Variants in JAG1 observed in about 807,000 individuals in gnomAD.
JAG1 encodes the protein protein jagged-1.
In JAG1, 23 loss-of-function variants were observed where a neutral mutation model predicts 148.7. The observed-to-expected ratio is 0.15, with a 90% confidence interval of 0.11 to 0.22. The LOEUF (loss-of-function observed/expected upper bound fraction) is 0.22, where lower values mean the gene tolerates loss of function less well. Ranked by LOEUF, JAG1 falls within the 10% of genes least tolerant of loss-of-function variation. The pLI, the probability that JAG1 is intolerant of heterozygous loss-of-function variation, is 1.00. For synonymous variants in JAG1, 572 were observed against 598.3 expected, an observed-to-expected ratio of 0.96 and a Z score of 0.64; for missense variants, 1,054 against 1,611.2, an observed-to-expected ratio of 0.65 and a Z score of 5.92.
rs2067518233 is a variant in JAG1 at position 10,673,955 on chromosome 20, C to G, written c.-425G>C. The G allele has an allele frequency of 1.3e-5, 2 of 152,168 alleles. No individual in the cohort carries two copies. The highest frequency in any genetic ancestry group is 1.3e-4 in the Admixed American group (2 of 15,270). 9.4% of individuals were successfully genotyped at this position (152,168 alleles called of 1,614,324 possible). The stretch of plus-strand genomic sequence containing the variant: ...GGGCCGGCCGCAGGTAACACAATGA[C>G]GCGTGCCCGCCCGGCTCTCGGAGAA... On this transcript the variant is annotated 5_prime_UTR_variant, in exon 1 of 26. Transcript: ENST00000254958. This position sits in a 1 kb window ranked among gnomAD's most constrained non-coding sequence, Gnocchi z 4.7.
chr20:10,658,944 A>G (rs1203638571), intron 3 of JAG1, among the ~76,000 whole-genome samples: 1 of 152,214 alleles, frequency 6.6e-6, no homozygotes, highest in Non-Finnish European at 1.5e-5. Flanking sequence ...GGAAACACCA[A>G]TAAATAATTT....
rs1348220334 is a variant in JAG1 at position 10,641,011 on chromosome 20, T to C, written c.3049-78A>G. ...TTCTTCAAAATTACTCGACAATCTG[T>C]GTCTGCAAAGCTTTTTGTCAGTGAA... is the stretch of plus-strand genomic sequence containing the variant. On this transcript the variant is annotated intron_variant, in intron 24 of 25. Coordinates refer to ENST00000254958, the MANE Select transcript of JAG1 (RefSeq NM_000214.3). 17 of 1,610,760 alleles carry C rather than the reference T, an allele frequency of 1.1e-5. No individual in the cohort carries two copies. The East Asian group carries it at 3.8e-4, about 36-fold the overall frequency.
intron 3 of JAG1, among the ~76,000 whole-genome samples, chr20:10,659,792 AG>A (rs2067403904): frequency 6.6e-6 from 1 of 151,908 alleles, no homozygotes; most frequent in Admixed American, 6.6e-5. Flanking sequence ...ATGCTTACTG[AG>A]GATAATAAAC....
intron 5 of JAG1, among the ~76,000 whole-genome samples, chr20:10,654,076 C>T (rs980553603): frequency 3.3e-5 from 5 of 152,200 alleles, no homozygotes; most frequent in Non-Finnish European, 5.9e-5. Context: ...GCCATTCTGT[C>T]AAGGCTGATA....
intron 2 of JAG1, among the ~76,000 whole-genome samples, chr20:10,668,673 T>G (rs1249495035): frequency 2.0e-5 from 2 of 99,906 alleles, no homozygotes; most frequent in Admixed American, 1.0e-4. Context: ...TTGACACTGT[T>G]TTTTTTTTTT....
In JAG1 at chr20:10,650,332, A is replaced by G. The variant is rs1251942083; in HGVS notation, c.1149T>C (p.Cys383=). 1 of 1,613,092 alleles carries G rather than the reference A, an allele frequency of 6.2e-7. No individual in the cohort carries two copies. The highest frequency in any genetic ancestry group is 8.5e-7 in the Non-Finnish European group (1 of 1,179,094). The part of the protein sequence containing the change: ...TNIDDCSPNN[C]SHGGTCQDLV... ...GGTCCTGGCAGGTGCCCCCGTGGGA[A>G]CAGTTATTAGGAGAACAGTCATCAA... Residue 383 remains cysteine (C), a synonymous_variant, in exon 9 of 26, where the codon TGT becomes TGC. Coordinates refer to ENST00000254958, the MANE Select transcript of JAG1 (RefSeq NM_000214.3).
rs760789646 is a variant in JAG1, at chr20:10,645,102, G to A, written c.2227+41C>T. 3 of 1,544,496 alleles carry A rather than the reference G, an allele frequency of 1.9e-6. No homozygotes were observed. The South Asian group carries it at 3.3e-5, about 17-fold the overall frequency. On this transcript the variant is annotated intron_variant, in intron 17 of 25. Transcript: ENST00000254958. The surrounding 1 kb of genome is among the most constrained non-coding windows in gnomAD (Gnocchi z 6.1). The stretch of plus-strand genomic sequence containing the variant: ...GGCCAACCAGCAGACACGCCCAGGT[G>A]GCCATGCCCACTGCAGATCCCACGT...
At chr20:10,649,257 C>A (rs758183432) in intron 10 of JAG1, 150 bp from the exon 11 acceptor site, 5 of 676,794 alleles carry the variant, frequency 7.4e-6, no homozygotes, top group African/African-American at 3.6e-5. Context: ...TGGGTGGGGA[C>A]CCTCCCTAAT....
rs757758869 is a variant in JAG1 at position 10,646,979 on chromosome 20, A to G, written c.1845T>C (p.Cys615=). 6.8e-6 allele frequency: 11 copies of G among 1,614,080 alleles called. No individual in the cohort carries two copies. Among genetic ancestry groups the G allele is most frequent in the Non-Finnish European group, 8.5e-6 (10 of 1,180,034 alleles). ...TTCCCGTGAAGCCTTTGTTACAGTC[A>G]CAGGTGAATTTGCCTCCCGACTGAC... ...CKSQSGGKFT[C]DCNKGFTGTY... is the part of the protein sequence containing the mutation. The change falls in exon 14 of 26, where the codon TGT becomes TGC. Residue 615 remains cysteine (C), a synonymous_variant. Coordinates refer to ENST00000254958, the MANE Select transcript of JAG1 (RefSeq NM_000214.3).
intron 21 of JAG1, 151 bp downstream of exon 21, chr20:10,642,337 G>A: frequency 1.4e-6 from 1 of 692,426 alleles, no homozygotes; most frequent in Non-Finnish European, 2.6e-6. Flanking sequence ...TACCTGTTTT[G>A]GGGAAGACTC....
At chr20:10,663,889 C>A in intron 3 of JAG1, 74 bp downstream of exon 3, 1 of 1,151,536 alleles carries the variant, frequency 8.7e-7, no homozygotes, top group Non-Finnish European at 1.3e-6. Flanking sequence ...GGAGACAGAT[C>A]CAGCTCCAAC....
chr20:10,645,848 C>T lies in JAG1; in HGVS notation c.1999+123G>A. On this transcript the variant is annotated intron_variant, in intron 15 of 25. Coordinates refer to ENST00000254958, the MANE Select transcript of JAG1 (RefSeq NM_000214.3). This position sits in a 1 kb window ranked among gnomAD's most constrained non-coding sequence, Gnocchi z 6.1. The stretch of plus-strand genomic sequence containing the variant: ...AGACACAAGTGATACTGTCCCAGTG[C>T]AGAAATCACTGCGGTCTTGCTTCCA... The T allele has an allele frequency of 3.8e-6, 3 of 782,342 alleles. No individual in the cohort carries two copies. The highest frequency in any genetic ancestry group is 1.4e-5 in the South Asian group (1 of 72,904). 48.5% of individuals were successfully genotyped at this position (782,342 alleles called of 1,614,324 possible). A position where few individuals can be genotyped will look rare whatever the true frequency, so the allele number is the denominator to read the frequency against.
intron 2 of JAG1, 22 bp from the exon 3 acceptor site, chr20:10,664,036 T>G: frequency 6.2e-7 from 1 of 1,609,920 alleles, no homozygotes; most frequent in Non-Finnish European, 8.5e-7. Context: ...ACAAACAATT[T>G]AGCAATTCAG....
chr20:10,654,166 A>G (rs781360685), intron 5 of JAG1, among the ~76,000 whole-genome samples: 1 of 152,190 alleles, frequency 6.6e-6, no homozygotes, highest in Non-Finnish European at 1.5e-5. Context: ...TCTCTTCCAA[A>G]TTCAGGATCA....
intron 3 of JAG1, among the ~76,000 whole-genome samples, chr20:10,660,982 A>G (rs915681063): frequency 6.6e-6 from 1 of 152,222 alleles, no homozygotes; most frequent in Non-Finnish European, 1.5e-5. Context: ...AGGGGGCCTT[A>G]GCCGAGAAAG....
intron 3 of JAG1, among the ~76,000 whole-genome samples, chr20:10,661,581 G>C (rs572017887): frequency 6.6e-6 from 1 of 152,340 alleles, no homozygotes; most frequent in Admixed American, 6.5e-5. Context: ...CTGGCAGGGA[G>C]ACAAAGCTGG....
At chr20:10,672,011 T>C (rs1338415158) in intron 2 of JAG1, among the ~76,000 whole-genome samples, 1 of 150,356 alleles carries the variant, frequency 6.7e-6, no homozygotes, top group Non-Finnish European at 1.5e-5. Context: ...CGGGAACCGC[T>C]GGAAGTGAGG....
chr20:10,664,274 A>G (rs2067436796), intron 2 of JAG1, among the ~76,000 whole-genome samples: 1 of 152,202 alleles, frequency 6.6e-6, no homozygotes, highest in Non-Finnish European at 1.5e-5. Flanking sequence ...CAGGCAGCTC[A>G]AAGTTGAGAT....
rs995426332 is a variant in JAG1 at position 10,671,080 on chromosome 20, T to A, written c.387+1621A>T. Among the ~76,000 whole-genome samples the A allele has an allele frequency of 4.6e-5, 7 of 152,266 alleles. No homozygotes were observed. In the South Asian group the frequency reaches 6.2e-4, roughly 14 times the overall value. On this transcript the variant is annotated intron_variant, in intron 2 of 25. Transcript: ENST00000254958. ...ATCACTAATAAGATTCCTTTTATGG[T>A]CTTGTGAAAAGCGAGGGGCTCCAGA...
Sources: allele counts gnomAD v4.1 joint callset (sites outside exome capture counted in the v4.1 genomes callset), GRCh38; gene constraint gnomAD v4.1.1; non-coding constraint Gnocchi (gnomAD v3.1); transcripts MANE v1.5; gene names NCBI Gene and HGNC (gene_info 2026-07-23, HGNC 2026-07-21).